UBXN2A: variants seen among roughly 807,000 people sequenced by gnomAD.
UBXN2A encodes UBX domain-containing protein 2A.
In UBXN2A, 28 loss-of-function variants were observed where a neutral mutation model predicts 28.4. The ratio of observed to expected loss-of-function variants is 0.99; its 90% CI spans 0.73 to 1.35. UBXN2A has a LOEUF of 1.35. Among genes scored for constraint, UBXN2A ranks in the 40% most tolerant of loss-of-function variants. UBXN2A has a pLI of 0.00. For missense variants in UBXN2A, 253 were observed against 297.9 expected, an observed-to-expected ratio of 0.85 and a Z score of 1.11; for synonymous variants, 97 against 103.6, an observed-to-expected ratio of 0.94 and a Z score of 0.39.
chr2:23,947,550 T>A (rs1226132401), intron 1 of UBXN2A, among the ~76,000 whole-genome samples: 4 of 152,230 alleles, frequency 2.6e-5, no homozygotes, highest in Non-Finnish European at 5.9e-5. Context: ...GTGATACATT[T>A]GTAGCAGCTC....
At chr2:23,932,591 A>G (rs1245798185) in intron 1 of UBXN2A, among the ~76,000 whole-genome samples, 1 of 152,136 alleles carries the variant, frequency 6.6e-6, no homozygotes, top group Non-Finnish European at 1.5e-5. Flanking sequence ...AGAATTCATA[A>G]CAACACACTG....
chr2:23,954,540 A>C (rs1200071040), intron 1 of UBXN2A, among the ~76,000 whole-genome samples: 1 of 152,104 alleles, frequency 6.6e-6, no homozygotes, highest in Non-Finnish European at 1.5e-5. Flanking sequence ...CCAGGGTTTC[A>C]ATTTCGTTAC....
chr2:23,953,185 T>C (rs569824080), intron 1 of UBXN2A, among the ~76,000 whole-genome samples: 1 of 152,252 alleles, frequency 6.6e-6, no homozygotes, highest in Admixed American at 6.5e-5. Context: ...GTACTGCCTT[T>C]TAAAAAAACA....
intron 1 of UBXN2A, among the ~76,000 whole-genome samples, chr2:23,940,871 C>A (rs908809863): frequency 1.2e-5 from 1 of 85,342 alleles, no homozygotes; most frequent in Admixed American, 1.7e-4. Flanking sequence ...GCGGCGACCC[C>A]GAGCCCCTGA....
rs1247633773 is a variant in UBXN2A at position 24,000,535 on chromosome 2, C to T, written c.*668C>T. On this transcript the variant is annotated 3_prime_UTR_variant, in exon 7 of 7. Coordinates refer to ENST00000309033, the MANE Select transcript of UBXN2A (RefSeq NM_181713.4). ...CCAGCTTGGCGACAGAGCAAGACCCCCTCTCAAAAATAAATAAAATAAAGT... is the reference window on the plus strand; with the variant it reads ...CCAGCTTGGCGACAGAGCAAGACCCTCTCTCAAAAATAAATAAAATAAAGT... The T allele has an allele frequency of 2.0e-5, 3 of 151,896 alleles. No individual in the cohort carries two copies. The highest frequency in any genetic ancestry group is 2.9e-5 in the Non-Finnish European group (2 of 68,010). 9.4% of individuals were successfully genotyped at this position (151,896 alleles called of 1,614,324 possible).
At chr2:23,964,987 CAA>C (rs909792659) in intron 2 of UBXN2A, among the ~76,000 whole-genome samples, 7 of 152,094 alleles carry the variant, frequency 4.6e-5, no homozygotes, top group Non-Finnish European at 1.0e-4. Flanking sequence ...CTACAAAATA[CAA>C]AAATTAGCTA....
At chr2:23,987,641 G>T (rs951071872) in intron 6 of UBXN2A, among the ~76,000 whole-genome samples, 22 of 151,556 alleles carry the variant, frequency 1.5e-4, no homozygotes, top group African/African-American at 5.1e-4. Context: ...AGCCGGGCGT[G>T]GTGGCAAGTG....
intron 1 of UBXN2A, among the ~76,000 whole-genome samples, chr2:23,945,224 C>T (rs1292758024): frequency 6.6e-6 from 1 of 152,138 alleles, no homozygotes; most frequent in East Asian, 1.9e-4. Context: ...TAAGTGTCAC[C>T]TTTCCCATAG....
At chr2:23,944,817 G>T (rs1349485971) in intron 1 of UBXN2A, among the ~76,000 whole-genome samples, 2 of 152,106 alleles carry the variant, frequency 1.3e-5, no homozygotes, top group Non-Finnish European at 2.9e-5. Flanking sequence ...TAACACCTAC[G>T]CAGTGTTACT....
intron 3 of UBXN2A, among the ~76,000 whole-genome samples, chr2:23,975,670 C>T (rs539807792): frequency 2.0e-5 from 3 of 152,086 alleles, no homozygotes; most frequent in Admixed American, 6.6e-5. Flanking sequence ...TGGCGTTTCA[C>T]TACTGTTGCC....
intron 6 of UBXN2A, among the ~76,000 whole-genome samples, chr2:23,993,771 T>C (rs1413902072): frequency 4.0e-5 from 6 of 151,852 alleles, no homozygotes; most frequent in Non-Finnish European, 8.8e-5. Context: ...CACTGCGACC[T>C]CTGCCTCCCT....
At chr2:23,955,766 C>T (rs970807702) in intron 1 of UBXN2A, among the ~76,000 whole-genome samples, 1 of 152,188 alleles carries the variant, frequency 6.6e-6, no homozygotes, top group Non-Finnish European at 1.5e-5. Context: ...TAAAAATATA[C>T]TGTTATAATC....
rs1366943079 is a variant in UBXN2A at position 24,003,886 on chromosome 2, T to A, written c.*4019T>A. 6.6e-6 allele frequency: 1 copy of A among 152,176 alleles called. No individual in the cohort carries two copies. Among genetic ancestry groups the A allele is most frequent in the African/African-American group, 2.4e-5 (1 of 41,438 alleles). 9.4% of individuals were successfully genotyped at this position (152,176 alleles called of 1,614,324 possible). On this transcript the variant is annotated 3_prime_UTR_variant, in exon 7 of 7. Coordinates refer to ENST00000309033, the MANE Select transcript of UBXN2A (RefSeq NM_181713.4). ...TTTATTTGCATAATTATAGTCAACATATGATTCTCCATGTAGGGGTCTCTC... is the reference window on the plus strand; with the variant it reads ...TTTATTTGCATAATTATAGTCAACAAATGATTCTCCATGTAGGGGTCTCTC...
intron 6 of UBXN2A, among the ~76,000 whole-genome samples, chr2:23,994,555 T>C (rs1309670888): frequency 6.6e-6 from 1 of 152,260 alleles, no homozygotes; most frequent in East Asian, 1.9e-4. Flanking sequence ...ATCTGTTGTA[T>C]TGGTCTGGTC....
chr2:23,984,022 T>C (rs966217679), intron 5 of UBXN2A, among the ~76,000 whole-genome samples: 3 of 152,220 alleles, frequency 2.0e-5, no homozygotes, highest in Non-Finnish European at 4.4e-5. Flanking sequence ...TTTTGTTCTG[T>C]GATCTATGTA....
chr2:23,994,599 A>G (rs1224818808), intron 6 of UBXN2A, among the ~76,000 whole-genome samples: 2 of 152,160 alleles, frequency 1.3e-5, no homozygotes, highest in African/African-American at 4.8e-5. Context: ...CTTACTTTCA[A>G]TTCTACTGTC....
At chr2:23,931,550 T>TA (rs900234957) in intron 1 of UBXN2A, among the ~76,000 whole-genome samples, 101 of 149,016 alleles carry the variant, frequency 6.8e-4, no homozygotes, top group African/African-American at 1.3e-3. Context: ...TTTTTGAACT[T>TA]AAAAAAAAAA....
chr2:23,993,964 G>A (rs764756088), intron 6 of UBXN2A, among the ~76,000 whole-genome samples: 6 of 152,088 alleles, frequency 3.9e-5, no homozygotes, highest in East Asian at 3.9e-4. Context: ...GATTACAGGC[G>A]TGAGTCACCG....
In UBXN2A at chr2:23,941,161, A is replaced by G. The variant is rs540492377; in HGVS notation, c.-15+513A>G. Among the ~76,000 whole-genome samples, 18 of 151,940 alleles carry G rather than the reference A, an allele frequency of 1.2e-4. 1 individual carries two copies. In the South Asian group the frequency reaches 3.1e-3, roughly 26 times the overall value. On this transcript the variant is annotated intron_variant, in intron 1 of 6. Coordinates refer to ENST00000309033, the MANE Select transcript of UBXN2A (RefSeq NM_181713.4). ...TTTTTTCCTTTTCGCTGCCAGTAAT[A>G]AAAGAGTTTATTACTTGTCAGCAAT...
Sources: allele counts gnomAD v4.1 joint callset (sites outside exome capture counted in the v4.1 genomes callset), GRCh38; gene constraint gnomAD v4.1.1; transcripts MANE v1.5; gene names NCBI Gene and HGNC (gene_info 2026-07-23, HGNC 2026-07-21).